SPOCK1: variants seen among roughly 807,000 people sequenced by gnomAD.
SPOCK1 encodes the protein testican-1.
A neutral mutation model predicts 55.3 loss-of-function variants in SPOCK1; 23 were observed. The observed-to-expected ratio is 0.42, with a 90% CI of 0.30 to 0.59. The LOEUF is 0.59. Among genes scored for constraint, SPOCK1 ranks in the 20% least tolerant of loss-of-function variants. The probability of loss-of-function intolerance (pLI) is 0.22; values close to 1 mark genes in which losing one functional copy is unlikely to be tolerated. For synonymous variants in SPOCK1, 226 were observed against 221.0 expected (o/e 1.02, Z -0.20); for missense variants, 499 against 552.5 (o/e 0.90, Z 0.97).
At position 137,352,443 on chromosome 5, in the gene SPOCK1, T is replaced by C. The variant is rs369302462; in HGVS notation, c.187-85388A>G. Among the ~76,000 whole-genome samples the C allele has an allele frequency of 4.6e-5, 7 of 152,364 alleles. No homozygotes were observed. In the East Asian group the frequency reaches 1.3e-3, roughly 29 times the overall value. ...CGCGGTGACTGCTGAGGATGCCGCATTCTTGGACATATGATTGCTAAAGAA... is the reference window on the plus strand; with the variant it reads ...CGCGGTGACTGCTGAGGATGCCGCACTCTTGGACATATGATTGCTAAAGAA... On this transcript the variant is annotated intron_variant, in intron 2 of 10. Transcript: ENST00000394945.
intron 4 of SPOCK1, among the ~76,000 whole-genome samples, chr5:137,121,606 C>T (rs1334007310): frequency 6.9e-6 from 1 of 145,932 alleles, no homozygotes; most frequent in Non-Finnish European, 1.5e-5. Flanking sequence ...ATAATATATT[C>T]TATATTACAT....
chr5:137,076,193 G>C (rs953932317), intron 5 of SPOCK1, among the ~76,000 whole-genome samples: 1 of 152,148 alleles, frequency 6.6e-6, no homozygotes, highest in Non-Finnish European at 1.5e-5. Flanking sequence ...CCCCTCTTCC[G>C]AACGGGGCTC....
chr5:137,441,340 T>A (rs967123036), intron 2 of SPOCK1, among the ~76,000 whole-genome samples: 2 of 152,224 alleles, frequency 1.3e-5, no homozygotes, highest in Non-Finnish European at 2.9e-5. Flanking sequence ...CCTCAGAGTC[T>A]CCTCAAGACC....
chr5:137,112,373 G>A, intron 5 of SPOCK1, 62 bp downstream of exon 5: 1 of 1,576,618 alleles, frequency 6.3e-7, no homozygotes, highest in East Asian at 2.3e-5. Context: ...TTGGCATAGA[G>A]AAGTGTTAGA....
intron 4 of SPOCK1, among the ~76,000 whole-genome samples, chr5:137,124,882 G>A (rs554788980): frequency 9.5e-4 from 144 of 152,282 alleles, no homozygotes; most frequent in African/African-American, 3.3e-3. Context: ...CTACCAGGTC[G>A]GGCAGGGTGC....
intron 2 of SPOCK1, among the ~76,000 whole-genome samples, chr5:137,270,679 T>C (rs1037445026): frequency 8.5e-5 from 13 of 152,152 alleles, no homozygotes; most frequent in African/African-American, 3.1e-4. Context: ...TAGAATCACA[T>C]AGTATTCCAA....
At chr5:137,408,407 G>C (rs1333573286) in intron 2 of SPOCK1, among the ~76,000 whole-genome samples, 3 of 152,198 alleles carry the variant, frequency 2.0e-5, no homozygotes, top group Non-Finnish European at 4.4e-5. Flanking sequence ...GCAGACTGAG[G>C]CTGAAGAAGA....
chr5:137,403,913 C>T (rs1752038923), intron 2 of SPOCK1, among the ~76,000 whole-genome samples: 1 of 152,078 alleles, frequency 6.6e-6, no homozygotes, highest in South Asian at 2.1e-4. Flanking sequence ...AGGAGTGATA[C>T]GCTCTGACTT....
intron 2 of SPOCK1, among the ~76,000 whole-genome samples, chr5:137,356,838 TAGAGAGAG>T (rs1177060339): frequency 1.6e-3 from 9 of 5,460 alleles, no homozygotes; most frequent in East Asian, 5.8e-3. Flanking sequence ...TATATATATA[TAGAGAGAG>T]AGAGAGAGAG....
intron 2 of SPOCK1, among the ~76,000 whole-genome samples, chr5:137,404,766 A>G (rs930924122): frequency 6.6e-6 from 1 of 152,140 alleles, no homozygotes; most frequent in Non-Finnish European, 1.5e-5. Flanking sequence ...AACCACATCA[A>G]GCCAGAGTTA....
intron 3 of SPOCK1, among the ~76,000 whole-genome samples, chr5:137,189,525 G>A (rs957406636): frequency 1.3e-5 from 2 of 152,072 alleles, no homozygotes; most frequent in African/African-American, 2.4e-5. Flanking sequence ...TTAAACTCAC[G>A]GTTACGATAC....
intron 5 of SPOCK1, among the ~76,000 whole-genome samples, chr5:137,106,087 C>T (rs1753363182): frequency 1.3e-5 from 2 of 152,140 alleles, no homozygotes; most frequent in African/African-American, 2.4e-5. Context: ...CCATAAAGTC[C>T]TATCAAAGGA....
chr5:137,085,267 G>T lies in SPOCK1; in HGVS notation c.475-17438C>A, dbSNP rs181238109. Among the ~76,000 whole-genome samples the T allele has an allele frequency of 1.1e-3, 165 of 152,268 alleles. 1 individual carries two copies. The highest frequency in any genetic ancestry group is 3.9e-3 in the African/African-American group (163 of 41,568). On this transcript the variant is annotated intron_variant, in intron 5 of 10. Coordinates refer to ENST00000394945, the MANE Select transcript of SPOCK1 (RefSeq NM_004598.4). ...ACAGCACAGCATGAAGCAGGCGTGA[G>T]GGTAGCGGTCAGAAAGGACCTCTAT...
intron 2 of SPOCK1, among the ~76,000 whole-genome samples, chr5:137,313,138 C>T (rs1267003046): frequency 2.6e-5 from 4 of 152,174 alleles, no homozygotes; most frequent in Admixed American, 2.0e-4. Flanking sequence ...TGTGTCCCTA[C>T]CATCCATTCC....
chr5:137,307,097 G>A (rs1302723005), intron 2 of SPOCK1, among the ~76,000 whole-genome samples: 1 of 152,206 alleles, frequency 6.6e-6, no homozygotes, highest in Admixed American at 6.5e-5. Flanking sequence ...GCTCTTGCCT[G>A]TAAAATGAGG....
chr5:136,991,063 G>T (rs1404636701), intron 7 of SPOCK1, among the ~76,000 whole-genome samples: 2 of 152,118 alleles, frequency 1.3e-5, no homozygotes, highest in Non-Finnish European at 1.5e-5. Context: ...CTTCACTCCA[G>T]TTGCTTCAGG....
intron 2 of SPOCK1, among the ~76,000 whole-genome samples, chr5:137,271,801 G>C (rs1529817): frequency 2.7e-4 from 1 of 3,688 alleles, no homozygotes; most frequent in African/African-American, 7.4e-3. Context: ...TAATGTAATT[G>C]TATCAGCTTC....
chr5:137,485,857 C>A (rs1754044564), intron 2 of SPOCK1, among the ~76,000 whole-genome samples: 2 of 152,188 alleles, frequency 1.3e-5, no homozygotes, highest in African/African-American at 4.8e-5. Context: ...AAGTCAGTGA[C>A]TGCCAGGGGC....
rs112321937 is a variant in SPOCK1, at chr5:137,089,151, C to A, written c.475-21322G>T. Among the ~76,000 whole-genome samples the A allele has an allele frequency of 2.9e-3, 438 of 152,264 alleles. 1 individual carries two copies. The highest frequency in any genetic ancestry group is 9.9e-3 in the African/African-American group (412 of 41,546). On this transcript the variant is annotated intron_variant, in intron 5 of 10. Coordinates refer to ENST00000394945, the MANE Select transcript of SPOCK1 (RefSeq NM_004598.4). Reference sequence around the variant, plus strand: ...GGGGGCTTGTGCCTGGTGGGGCCTACACAGTGCCACCTTCCTGGCTTCCCA... The same window carrying A: ...GGGGGCTTGTGCCTGGTGGGGCCTAAACAGTGCCACCTTCCTGGCTTCCCA...
Sources: allele counts gnomAD v4.1 joint callset (sites outside exome capture counted in the v4.1 genomes callset), GRCh38; gene constraint gnomAD v4.1.1; transcripts MANE v1.5; gene names NCBI Gene and HGNC (gene_info 2026-07-23, HGNC 2026-07-21).